CLEC4D: variants seen among roughly 807,000 people sequenced by gnomAD.
CLEC4D encodes the protein C-type lectin domain family 4 member D.
CLEC4D carries 21 observed loss-of-function variants against 21.1 expected under a neutral mutation model. The ratio of observed to expected loss-of-function variants is 1.00; its 90% CI spans 0.71 to 1.43. The LOEUF (loss-of-function observed/expected upper bound fraction) is 1.43, where lower values mean the gene tolerates loss of function less well. Among genes scored for constraint, CLEC4D ranks in the 40% most tolerant of loss-of-function variants. CLEC4D has a pLI of 0.00. For missense variants in CLEC4D, 289 were observed against 260.7 expected (o/e 1.11, Z -0.75); for synonymous variants, 85 against 83.1 (o/e 1.02, Z -0.12).
the CLEC4D span, among the ~76,000 whole-genome samples, chr12:8,528,724 A>C: frequency 6.6e-6 from 1 of 152,158 alleles, no homozygotes; most frequent in East Asian, 1.9e-4. Context: ...TAAACGTAGA[A>C]GATAAATAAA....
Position 8,521,522 on chromosome 12 carries a change from GT to G in CLEC4D, c.*252del, listed in dbSNP as rs1339489529. ...ATAATCTTTCTTTGCTTTCTTAGTA[GT>G]ATTTCAAGGTGTTTACTTTTCAATT... On this transcript the variant is annotated 3_prime_UTR_variant, in exon 6 of 6. Transcript: ENST00000299665. 4.7e-6 allele frequency: 3 copies of G among 633,422 alleles called. No homozygotes were observed. Among genetic ancestry groups the G allele is most frequent in the Non-Finnish European group, 6.6e-6 (3 of 453,786 alleles). 39.2% of individuals were successfully genotyped at this position (633,422 alleles called of 1,614,324 possible).
intron 2 of CLEC4D, 111 bp downstream of exon 2, chr12:8,515,439 A>G (rs1171652891): frequency 1.0e-5 from 7 of 669,244 alleles, no homozygotes; most frequent in Non-Finnish European, 1.9e-5. Context: ...TAACCTATCT[A>G]TAATATCTTC....
At chr12:8,523,298 T>A (rs766353344), downstream of CLEC4D, among the ~76,000 whole-genome samples, 17 of 152,318 alleles carry the variant, frequency 1.1e-4, no homozygotes, top group African/African-American at 4.1e-4. Flanking sequence ...AGTATGACCA[T>A]TTTCACAATA....
chr12:8,530,422 C>T, the CLEC4D span, among the ~76,000 whole-genome samples: 3 of 128,014 alleles, frequency 2.3e-5, no homozygotes, highest in African/African-American at 9.1e-5. Context: ...ATGTGAGTTG[C>T]ATATGTCTAA....
At position 8,518,981 on chromosome 12, in the gene CLEC4D, C is replaced by T. The variant is rs182502370; in HGVS notation, c.233-28C>T. On this transcript the variant is annotated intron_variant, in intron 3 of 5. Transcript: ENST00000299665. ...TTACAGATGAAATGCTCTTTTGTTA[C>T]CAATTTCCGTTTTAATTTTCACTTG... 400 of 1,607,106 alleles carry T rather than the reference C, an allele frequency of 2.5e-4. No individual in the cohort carries two copies. In the African/African-American group the frequency reaches 4.4e-3, roughly 18 times the overall value.
chr12:8,527,964 A>G, the CLEC4D span, among the ~76,000 whole-genome samples: 1 of 152,020 alleles, frequency 6.6e-6, no homozygotes, highest in Non-Finnish European at 1.5e-5. Context: ...TGTGGCTCTC[A>G]GGTGGGCCGC....
At chr12:8,517,384 G>A (rs943248408) in intron 2 of CLEC4D, among the ~76,000 whole-genome samples, 3 of 151,634 alleles carry the variant, frequency 2.0e-5, no homozygotes, top group African/African-American at 7.3e-5. Context: ...GTGCCATGTT[G>A]GTGTGCTGCA....
chr12:8,522,429 C>T (rs1940469821), downstream of CLEC4D: 1 of 152,116 alleles, frequency 6.6e-6, no homozygotes, highest in Admixed American at 6.6e-5. Flanking sequence ...GCTTTTTAAC[C>T]TAACTTTCCT....
chr12:8,527,380 G>A, the CLEC4D span, among the ~76,000 whole-genome samples: 8 of 152,284 alleles, frequency 5.3e-5, 1 homozygote, highest in African/African-American at 1.7e-4. Context: ...TTCTGTCCCC[G>A]AGCCTCTGGC....
chr12:8,524,474 T>C (rs2136391077), downstream of CLEC4D, among the ~76,000 whole-genome samples: 1 of 152,314 alleles, frequency 6.6e-6, no homozygotes, highest in South Asian at 2.1e-4. Flanking sequence ...GTAGATTTTC[T>C]AGTTTATTTG....
At chr12:8,530,544 T>G in the CLEC4D span, among the ~76,000 whole-genome samples, 4 of 152,012 alleles carry the variant, frequency 2.6e-5, no homozygotes, top group Non-Finnish European at 5.9e-5. Flanking sequence ...ATATTATCAT[T>G]TTGACATGTA....
chr12:8,528,588 G>A, the CLEC4D span, among the ~76,000 whole-genome samples: 6 of 152,064 alleles, frequency 3.9e-5, no homozygotes, highest in Non-Finnish European at 8.8e-5. Context: ...ATAAAAATAG[G>A]TTCTAATTAT....
rs780073843 is a variant in CLEC4D at position 8,519,033 on chromosome 12, T to C, written c.257T>C (p.Ile86Thr). The C allele has an allele frequency of 1.9e-6, 3 of 1,614,138 alleles. No individual in the cohort carries two copies. In the South Asian group the frequency reaches 3.3e-5, roughly 18 times the overall value. The change falls in exon 4 of 6, where the codon ATT becomes ACT. Residue 86 changes from isoleucine to threonine, a missense_variant. Ile to Thr is a moderately conservative substitution (Grantham distance 89). Coordinates refer to ENST00000299665, the MANE Select transcript of CLEC4D (RefSeq NM_080387.5). ...AEGSTWNCCP[I>T]DWRAFQSNCY... ...GGGAGCACCTGGAACTGTTGTCCTATTGACTGGAGAGCCTTCCAGTCCAAC... is the reference window on the plus strand; with the variant it reads ...GGGAGCACCTGGAACTGTTGTCCTACTGACTGGAGAGCCTTCCAGTCCAAC...
At chr12:8,530,650 G>A in the CLEC4D span, among the ~76,000 whole-genome samples, 5 of 152,078 alleles carry the variant, frequency 3.3e-5, no homozygotes, top group East Asian at 5.8e-4. Context: ...ATCTCAATTA[G>A]GATAGTGCTT....
At chr12:8,531,680 T>C in the CLEC4D span, among the ~76,000 whole-genome samples, 3 of 152,146 alleles carry the variant, frequency 2.0e-5, no homozygotes, top group Non-Finnish European at 4.4e-5. Flanking sequence ...CAAAATAAAA[T>C]TTAAAAAATT....
At position 8,518,294 on chromosome 12, in the gene CLEC4D, T is replaced by G; in HGVS notation, c.232+20T>G. 1 of 908,610 alleles carries G rather than the reference T, an allele frequency of 1.1e-6. No individual in the cohort carries two copies. The highest frequency in any genetic ancestry group is 1.8e-6 in the Non-Finnish European group (1 of 553,140). The allele number at this position is 908,610 out of a possible 1,614,324, so 56.3% of individuals were successfully genotyped here. ...CTGAAGGTACAGAGTGTAAGATAAT[T>G]TCTTTTTTAATTTCCATTTTCGTTC... On this transcript the variant is annotated intron_variant, in intron 3 of 5. Coordinates refer to ENST00000299665, the MANE Select transcript of CLEC4D (RefSeq NM_080387.5).
At chr12:8,526,130 A>T (rs1333302472), downstream of CLEC4D, among the ~76,000 whole-genome samples, 2 of 151,996 alleles carry the variant, frequency 1.3e-5, no homozygotes, top group East Asian at 3.8e-4. Flanking sequence ...TTTTTCCTTC[A>T]TTTTGACATT....
chr12:8,517,758 A>G (rs1940400113), intron 2 of CLEC4D, among the ~76,000 whole-genome samples: 1 of 152,064 alleles, frequency 6.6e-6, no homozygotes, highest in African/African-American at 2.4e-5. Context: ...CATCCTGGCT[A>G]ACAAGGTGAA....
Position 8,513,559 on chromosome 12 carries a change from T to G in CLEC4D, c.-174T>G. 2 of 423,492 alleles carry G rather than the reference T, an allele frequency of 4.7e-6. No individual in the cohort carries two copies. The highest frequency in any genetic ancestry group is 8.5e-6 in the Non-Finnish European group (2 of 234,374). The allele number at this position is 423,492 out of a possible 1,614,324, so 26.2% of individuals were successfully genotyped here. On this transcript the variant is annotated 5_prime_UTR_variant, in exon 1 of 6. Coordinates refer to ENST00000299665, the MANE Select transcript of CLEC4D (RefSeq NM_080387.5). ...CCCTGTCTTTGAAAAAGACTTCTTT[T>G]GAGCTAACTTTCTTATACTGGTACC... is the stretch of plus-strand genomic sequence containing the variant.
Sources: gnomAD v4.1 joint callset for allele counts (sites outside exome capture counted in the v4.1 genomes callset) on GRCh38, gnomAD v4.1.1 for gene constraint, MANE v1.5 for transcripts, NCBI Gene and HGNC (gene_info 2026-07-23, HGNC 2026-07-21) for gene names.